Variants in GRSF1 observed in about 807,000 individuals in gnomAD.
GRSF1 encodes G-rich sequence factor 1.
Under a neutral mutation model 51.1 loss-of-function variants are expected in GRSF1, and 50 were observed. That is an observed-to-expected ratio of 0.98 (90% CI 0.78 to 1.24). The LOEUF is 1.24. Ranked by LOEUF, GRSF1 falls within the 50% of genes most tolerant of loss-of-function variation. The pLI is 0.00. For missense variants in GRSF1, 700 were observed against 639.7 expected, an observed-to-expected ratio of 1.09 and a Z score of -1.02; for synonymous variants, 293 against 253.3, an observed-to-expected ratio of 1.16 and a Z score of -1.49.
chr4:70,827,920 A>C lies in GRSF1; in HGVS notation c.1067T>G (p.Val356Gly), dbSNP rs777266558. The C allele has an allele frequency of 3.7e-6, 6 of 1,613,274 alleles. No homozygotes were observed. In the Admixed American group the frequency reaches 1.0e-4, roughly 27 times the overall value. The stretch of plus-strand genomic sequence containing the variant: ...CTCATTTACTTCATGTTCTTCAAAG[A>C]CCATTTCTGGCTCAGTTATATACTT... ...TAKYITEPEM[V>G]FEEHEVNEDI... Residue 356 changes from valine (V) to glycine (G), a missense_variant, in exon 6 of 10, where the codon GTC becomes GGC. Coordinates refer to ENST00000254799, the MANE Select transcript of GRSF1 (RefSeq NM_002092.4).
Position 70,820,056 on chromosome 4 carries a change from G to T in GRSF1, c.*831C>A, listed in dbSNP as rs996957926. On this transcript the variant is annotated 3_prime_UTR_variant, in exon 10 of 10. Coordinates refer to ENST00000254799, the MANE Select transcript of GRSF1 (RefSeq NM_002092.4). ...TAGAGCTGGTTTAAATTCAAGTGAA[G>T]CCATTAATTTTCTTACCAGTCTGGA... is the stretch of plus-strand genomic sequence containing the variant. 6.6e-6 allele frequency: 1 copy of T among 152,250 alleles called. No individual in the cohort carries two copies. Among genetic ancestry groups the T allele is most frequent in the African/African-American group, 2.4e-5 (1 of 41,438 alleles). The allele number at this position is 152,250 out of a possible 1,614,324, so 9.4% of individuals were successfully genotyped here.
chr4:70,824,304 G>T lies in GRSF1; in HGVS notation c.*15C>A. ...ACCTCTTAAATTTACCTTATTATCT[G>T]GAGCCCCTAGAGTCTTATTTTCCTT... On this transcript the variant is annotated 3_prime_UTR_variant, in exon 9 of 10. Transcript: ENST00000254799. 7.4e-7 allele frequency: 1 copy of T among 1,345,236 alleles called. No individual in the cohort carries two copies. Among genetic ancestry groups the T allele is most frequent in the East Asian group, 2.4e-5 (1 of 42,522 alleles). The allele number at this position is 1,345,236 out of a possible 1,614,324, so 83.3% of individuals were successfully genotyped here.
chr4:70,838,886 T>C (rs1379881837), intron 1 of GRSF1: 3 of 318,108 alleles, frequency 9.4e-6, no homozygotes, highest in Non-Finnish European at 1.8e-5. Context: ...ATGAGTGGAG[T>C]TGCAGAGGTG....
Position 70,836,210 on chromosome 4 carries a change from A to G in GRSF1, c.462T>C (p.Ala154=), listed in dbSNP as rs376783015. 9.9e-6 allele frequency: 16 copies of G among 1,609,250 alleles called. No individual in the cohort carries two copies. The African/African-American group carries it at 2.0e-4, about 20-fold the overall frequency. Residue 154 remains alanine (A), a synonymous_variant, in exon 2 of 10, where the codon GCT becomes GCC. Transcript: ENST00000254799. ...EEVDDVFLIR[A]QGLPWSCTME... ...TAGTGCATGACCAGGGCAGTCCTTGAGCTCGAATGAGAAAGACATCATCCA... is the reference window on the plus strand; with the variant it reads ...TAGTGCATGACCAGGGCAGTCCTTGGGCTCGAATGAGAAAGACATCATCCA...
Position 70,834,215 on chromosome 4 carries a change from C to T in GRSF1, c.515-942G>A, listed in dbSNP as rs190625918. ...TGGAGGTTGCAATGAGCCGAGATTG[C>T]GCTACTGCACTCCAGCCTGGGTGAC... is the stretch of plus-strand genomic sequence containing the variant. On this transcript the variant is annotated intron_variant, in intron 2 of 9. Coordinates refer to ENST00000254799, the MANE Select transcript of GRSF1 (RefSeq NM_002092.4). 2.3e-4 allele frequency among the ~76,000 whole-genome samples: 35 copies of T among 152,014 alleles called. No homozygotes were observed. The East Asian group carries it at 2.9e-3, about 13-fold the overall frequency.
At chr4:70,839,161 G>T in intron 1 of GRSF1, 1 of 1,345,608 alleles carries the variant, frequency 7.4e-7, no homozygotes, top group South Asian at 1.2e-5. Flanking sequence ...GGCGTCAGCA[G>T]CCTCACGAAA....
At chr4:70,834,696 A>C (rs934962348) in intron 2 of GRSF1, among the ~76,000 whole-genome samples, 5 of 152,134 alleles carry the variant, frequency 3.3e-5, no homozygotes, top group Non-Finnish European at 5.9e-5. Flanking sequence ...AACTCAGCTC[A>C]CTGCAACCTC....
rs1006222314 is a variant in GRSF1, at chr4:70,816,209, G to A, written c.*4678C>T. ...ATCAAAACTCATCAAATGAGTCTGG[G>A]TATGGTGGCTCACACCTGTAATCCC... On this transcript the variant is annotated 3_prime_UTR_variant, in exon 10 of 10. Coordinates refer to ENST00000254799, the MANE Select transcript of GRSF1 (RefSeq NM_002092.4). 5 of 152,116 alleles carry A rather than the reference G, an allele frequency of 3.3e-5. No individual in the cohort carries two copies. Among genetic ancestry groups the A allele is most frequent in the Admixed American group, 1.3e-4 (2 of 15,244 alleles). 9.4% of individuals were successfully genotyped at this position (152,116 alleles called of 1,614,324 possible).
At chr4:70,840,267 G>C (rs956583157), upstream of GRSF1, among the ~76,000 whole-genome samples, 5 of 152,200 alleles carry the variant, frequency 3.3e-5, no homozygotes, top group African/African-American at 1.2e-4. Flanking sequence ...GGGGAAGTGG[G>C]TGCAATCGAA....
upstream of GRSF1, among the ~76,000 whole-genome samples, chr4:70,840,157 G>A (rs1332825861): frequency 1.1e-5 from 1 of 90,082 alleles, no homozygotes; most frequent in Non-Finnish European, 2.3e-5. Context: ...GGCTGCCCAT[G>A]GTTTGGGCGG....
intron 6 of GRSF1, 41 bp downstream of exon 6, chr4:70,827,811 A>T (rs1395493187): frequency 2.8e-6 from 4 of 1,415,058 alleles, no homozygotes; most frequent in Non-Finnish European, 2.9e-6. Flanking sequence ...CAAAACATTC[A>T]AGATAGACCC....
intron 6 of GRSF1, among the ~76,000 whole-genome samples, chr4:70,827,160 C>A (rs1578297832): frequency 6.6e-6 from 1 of 151,696 alleles, no homozygotes; most frequent in Admixed American, 6.6e-5. Context: ...CGGTGGCAGG[C>A]GCCTGTAGTC....
At chr4:70,827,307 C>T (rs570562675) in intron 6 of GRSF1, among the ~76,000 whole-genome samples, 1 of 150,202 alleles carries the variant, frequency 6.7e-6, no homozygotes, top group Non-Finnish European at 1.5e-5. Context: ...AAAATCCTTA[C>T]TTCAGTCAAT....
chr4:70,818,028 G>A lies in GRSF1; in HGVS notation c.*2859C>T, dbSNP rs541297679. 9.2e-5 allele frequency: 14 copies of A among 152,356 alleles called. No homozygotes were observed. Among genetic ancestry groups the A allele is most frequent in the African/African-American group, 3.1e-4 (13 of 41,560 alleles). 9.4% of individuals were successfully genotyped at this position (152,356 alleles called of 1,614,324 possible). A position where few individuals can be genotyped will look rare whatever the true frequency, so the allele number is the denominator to read the frequency against. ...TTTAGGGGAAACTCTCAGAACAATG[G>A]AGTTTTTTGTATTTTGGTTTTTTTG... On this transcript the variant is annotated 3_prime_UTR_variant, in exon 10 of 10. Transcript: ENST00000254799.
chr4:70,822,187 C>CA (rs923560187), intron 9 of GRSF1, among the ~76,000 whole-genome samples: 46 of 145,244 alleles, frequency 3.2e-4, no homozygotes, highest in Non-Finnish European at 3.8e-4. Flanking sequence ...CTTCCTAAGG[C>CA]AAAAAAAAAA....
chr4:70,839,895 T>G, upstream of GRSF1: 3 of 1,376,098 alleles, frequency 2.2e-6, no homozygotes, highest in Non-Finnish European at 2.8e-6. Flanking sequence ...GGAAGTGGAA[T>G]CCAGGGCCGG....
intron 9 of GRSF1, among the ~76,000 whole-genome samples, chr4:70,821,607 C>CAAA (rs756802771): frequency 1.6e-5 from 1 of 63,604 alleles, no homozygotes; most frequent in Non-Finnish European, 3.4e-5. Context: ...CTCCGTCTCC[C>CAAA]AAAAAAAAAA....
At chr4:70,837,875 G>A (rs1239589459) in intron 1 of GRSF1, among the ~76,000 whole-genome samples, 3 of 151,466 alleles carry the variant, frequency 2.0e-5, no homozygotes, top group Non-Finnish European at 4.4e-5. Flanking sequence ...CCTGACCTCA[G>A]GTGATCCACC....
chr4:70,824,534 C>T (rs1285482592), intron 8 of GRSF1, among the ~76,000 whole-genome samples, 166 bp from the exon 9 acceptor site: 1 of 152,038 alleles, frequency 6.6e-6, no homozygotes, highest in East Asian at 1.9e-4. Flanking sequence ...ATTGTAATCC[C>T]AGTACTTTGG....
Sources: allele counts gnomAD v4.1 joint callset (sites outside exome capture counted in the v4.1 genomes callset), GRCh38; gene constraint gnomAD v4.1.1; transcripts MANE v1.5; gene names NCBI Gene and HGNC (gene_info 2026-07-23, HGNC 2026-07-21).